The following FRMD4A variants were observed in gnomAD, a reference collection of about 807,000 sequenced individuals.
The protein encoded by FRMD4A is FERM domain-containing protein 4A.
FRMD4A carries 29 observed loss-of-function variants against 129.1 expected under a neutral mutation model. The ratio of observed to expected loss-of-function variants is 0.22; its 90% CI spans 0.17 to 0.31. The LOEUF (loss-of-function observed/expected upper bound fraction) is 0.31. FRMD4A is among the 10% of genes least tolerant of loss of function. The pLI is 1.00. For missense variants in FRMD4A, 1,272 were observed against 1,375.8 expected, an observed-to-expected ratio of 0.92 and a Z score of 1.19; for synonymous variants, 634 against 571.6, an observed-to-expected ratio of 1.11 and a Z score of -1.56.
At chr10:13,826,130 A>G (rs557111184) in intron 3 of FRMD4A, among the ~76,000 whole-genome samples, 8 of 152,356 alleles carry the variant, frequency 5.3e-5, no homozygotes, top group African/African-American at 1.7e-4. Context: ...ATCATTCACA[A>G]GGGACCTGGT....
intron 2 of FRMD4A, among the ~76,000 whole-genome samples, chr10:14,225,649 C>T (rs1843409717): frequency 6.6e-6 from 1 of 152,202 alleles, no homozygotes; most frequent in Admixed American, 6.5e-5. Context: ...CAGGCTATTG[C>T]AGCCTGATCT....
Position 13,670,485 on chromosome 10 carries a change from C to T in FRMD4A, c.1295G>A (p.Gly432Glu). The T allele has an allele frequency of 6.2e-7, 1 of 1,613,408 alleles. No individual in the cohort carries two copies. Among genetic ancestry groups the T allele is most frequent in the Non-Finnish European group, 8.5e-7 (1 of 1,179,596 alleles). The part of the protein sequence containing the change: ...KLPVEYPLDP[G>E]EEPPIVRRRI... The stretch of plus-strand genomic sequence containing the variant: ...TCTCCGAACAATGGGTGGTTCCTCC[C>T]CTGGATCCAGGGGATATTCTACTGG... The change falls in exon 17 of 25, where the codon GGG (glycine) becomes GAG (glutamate). Residue 432 changes from glycine to glutamate, a missense_variant. Physicochemically the swap from Gly to Glu is moderately conservative, Grantham distance 98. This residue lies in a region of FRMD4A where 972 missense variants were observed against 892.3 expected (regional missense o/e 1.09). Coordinates refer to ENST00000357447, the MANE Select transcript of FRMD4A (RefSeq NM_018027.5).
intron 15 of FRMD4A, among the ~76,000 whole-genome samples, chr10:13,678,685 G>A (rs73590422): frequency 0.033 from 5,005 of 152,254 alleles, 282 homozygotes; most frequent in African/African-American, 0.11. Flanking sequence ...ATGAAGTATC[G>A]GTCAAAGAGC....
chr10:13,710,156 G>C (rs2087867061), intron 12 of FRMD4A, among the ~76,000 whole-genome samples: 1 of 152,088 alleles, frequency 6.6e-6, no homozygotes, highest in African/African-American at 2.4e-5. Context: ...AGGCCTGGGA[G>C]GTGGAACCCT....
At chr10:13,911,083 T>C (rs371710913) in intron 2 of FRMD4A, among the ~76,000 whole-genome samples, 64 of 152,310 alleles carry the variant, frequency 4.2e-4, no homozygotes, top group African/African-American at 1.5e-3. Context: ...GATGAATTAC[T>C]AGTTTTCTTC....
At chr10:14,230,084 C>T (rs11258955) in intron 2 of FRMD4A, among the ~76,000 whole-genome samples, 58,077 of 152,090 alleles carry the variant, frequency 0.38, 11,774 homozygotes, top group South Asian at 0.46. Context: ...AGTTACTACC[C>T]ATCTTTCTAA....
At position 14,255,574 on chromosome 10, in the gene FRMD4A, T is replaced by C. The variant is rs190047502; in HGVS notation, c.45+74484A>G. Among the ~76,000 whole-genome samples the C allele has an allele frequency of 1.7e-3, 252 of 152,250 alleles. 1 individual carries two copies. Among genetic ancestry groups the C allele is most frequent in the African/African-American group, 5.5e-3 (227 of 41,532 alleles). On this transcript the variant is annotated intron_variant, in intron 2 of 24. Transcript: ENST00000357447. ...GCAGGAGACAATCAGATGAGCACAA[T>C]TGCCCTTGCCAGATGCTGAGAATTA...
chr10:13,915,013 C>T (rs1037219851), intron 2 of FRMD4A, among the ~76,000 whole-genome samples: 1 of 151,976 alleles, frequency 6.6e-6, no homozygotes, highest in Non-Finnish European at 1.5e-5. Flanking sequence ...GACCTGGCCT[C>T]GAAAACAACA....
At chr10:13,868,102 T>A (rs1352251271) in intron 2 of FRMD4A, among the ~76,000 whole-genome samples, 3 of 150,914 alleles carry the variant, frequency 2.0e-5, no homozygotes. Flanking sequence ...ATAAAATTCA[T>A]CAATTCCCTG....
chr10:14,115,480 C>T (rs1746094055), intron 2 of FRMD4A, among the ~76,000 whole-genome samples: 1 of 152,216 alleles, frequency 6.6e-6, no homozygotes, highest in Non-Finnish European at 1.5e-5. Context: ...TTGTTCTCCT[C>T]TCCCTTACTC....
intron 21 of FRMD4A, 69 bp from the exon 22 acceptor site, chr10:13,657,591 A>T: frequency 4.3e-6 from 6 of 1,396,616 alleles, no homozygotes; most frequent in Non-Finnish European, 4.7e-6. Flanking sequence ...TCCGGGGAGG[A>T]GGGGGTCCTG....
rs1036828389 is a variant in FRMD4A, at chr10:13,904,267, G to A, written c.46-45355C>T. 3.9e-5 allele frequency among the ~76,000 whole-genome samples: 6 copies of A among 151,982 alleles called. No individual in the cohort carries two copies. The South Asian group carries it at 8.3e-4, about 21-fold the overall frequency. On this transcript the variant is annotated intron_variant, in intron 2 of 24. Coordinates refer to ENST00000357447, the MANE Select transcript of FRMD4A (RefSeq NM_018027.5). Reference sequence around the variant, plus strand: ...CCAGCCAAGGAGAACGCTCCTACAGGCCCCTGTGCTTCTTGCCTTCTTGCT... The same window carrying A: ...CCAGCCAAGGAGAACGCTCCTACAGACCCCTGTGCTTCTTGCCTTCTTGCT...
chr10:13,825,552 C>T (rs572047342), intron 3 of FRMD4A, among the ~76,000 whole-genome samples: 3 of 152,318 alleles, frequency 2.0e-5, no homozygotes, highest in African/African-American at 7.2e-5. Flanking sequence ...CAGTTTCATC[C>T]TGAAACCATC....
intron 13 of FRMD4A, among the ~76,000 whole-genome samples, chr10:13,706,566 G>C (rs1021576325): frequency 6.6e-6 from 1 of 152,136 alleles, no homozygotes; most frequent in African/African-American, 2.4e-5. Flanking sequence ...TAGCACAACT[G>C]CTTTGGTGAC....
chr10:13,764,764 C>T (rs1204685549), intron 6 of FRMD4A, among the ~76,000 whole-genome samples: 2 of 152,116 alleles, frequency 1.3e-5, no homozygotes, highest in African/African-American at 2.4e-5. Flanking sequence ...TCCCTAGTAT[C>T]ACAAGATCCC....
intron 12 of FRMD4A, among the ~76,000 whole-genome samples, chr10:13,732,970 G>T (rs2090412319): frequency 6.6e-6 from 1 of 152,224 alleles, no homozygotes; most frequent in African/African-American, 2.4e-5. Context: ...CTGGTCGGAG[G>T]TGTAGGTGAG....
intron 19 of FRMD4A, among the ~76,000 whole-genome samples, chr10:13,661,777 G>A (rs925565272): frequency 1.3e-5 from 2 of 152,150 alleles, no homozygotes; most frequent in Non-Finnish European, 2.9e-5. Context: ...GCAGACATGG[G>A]AGGTGGAGGG....
At chr10:14,328,730 T>C (rs1167538006) in intron 2 of FRMD4A, among the ~76,000 whole-genome samples, 6 of 151,884 alleles carry the variant, frequency 4.0e-5, no homozygotes, top group African/African-American at 4.8e-5. Flanking sequence ...CTAGACCCCA[T>C]AGATAATGCA....
intron 2 of FRMD4A, among the ~76,000 whole-genome samples, chr10:13,926,185 GA>G (rs1243611091): frequency 1.3e-5 from 2 of 152,160 alleles, no homozygotes; most frequent in African/African-American, 2.4e-5. Flanking sequence ...TGGAACAGAA[GA>G]GAAAATGAGG....
Sources: allele counts gnomAD v4.1 joint callset (sites outside exome capture counted in the v4.1 genomes callset), GRCh38; gene constraint gnomAD v4.1.1; regional missense constraint gnomAD v4.1.1; transcripts MANE v1.5; gene names NCBI Gene and HGNC (gene_info 2026-07-23, HGNC 2026-07-21).